Variants in ZFYVE28 observed in about 807,000 individuals in gnomAD.
ZFYVE28 encodes the protein zinc finger FYVE-type containing 28.
A neutral mutation model predicts 82.1 loss-of-function variants in ZFYVE28; 40 were observed. That is an observed-to-expected ratio of 0.49 (90% CI 0.38 to 0.63). The LOEUF is 0.63. Ranked by LOEUF, ZFYVE28 falls within the 30% of genes least tolerant of loss-of-function variation. The pLI is 0.00. For synonymous variants in ZFYVE28, 612 were observed against 546.1 expected (o/e 1.12, Z -1.68); for missense variants, 1,321 against 1,242.1 (o/e 1.06, Z -0.96).
At position 2,339,795 on chromosome 4, in the gene ZFYVE28, C is replaced by T. The variant is rs918254255; in HGVS notation, c.319-140G>A. On this transcript the variant is annotated intron_variant, in intron 3 of 12. Coordinates refer to ENST00000290974, the MANE Select transcript of ZFYVE28 (RefSeq NM_020972.3). The surrounding 1 kb of genome is among the most constrained non-coding windows in gnomAD (Gnocchi z 5.0). Reference sequence around the variant, plus strand: ...CAGGCCAGCTCGTGTTCCCGGTCCCCGCAGGAGGTTTTTCTTACATTCAGA... The same window carrying T: ...CAGGCCAGCTCGTGTTCCCGGTCCCTGCAGGAGGTTTTTCTTACATTCAGA... 2.0e-5 allele frequency: 15 copies of T among 738,408 alleles called. No individual in the cohort carries two copies. The highest frequency in any genetic ancestry group is 2.9e-5 in the Admixed American group (1 of 34,428). The allele number at this position is 738,408 out of a possible 1,614,324, so 45.7% of individuals were successfully genotyped here. A position where few individuals can be genotyped will look rare whatever the true frequency, so the allele number is the denominator to read the frequency against.
chr4:2,408,525 A>C lies in ZFYVE28; in HGVS notation c.39+9760T>G, dbSNP rs1259277914. Reference sequence around the variant, plus strand: ...CAGCTGCACCAGCCGGGGTGGACCAAAGGCCGCAGATGGTTCAGCTGGCTG... The same window carrying C: ...CAGCTGCACCAGCCGGGGTGGACCACAGGCCGCAGATGGTTCAGCTGGCTG... On this transcript the variant is annotated intron_variant, in intron 1 of 12. Transcript: ENST00000290974. This position sits in a 1 kb window ranked among gnomAD's most constrained non-coding sequence, Gnocchi z 4.3. Among the ~76,000 whole-genome samples the C allele has an allele frequency of 6.6e-6, 1 of 152,200 alleles. No homozygotes were observed. Among genetic ancestry groups the C allele is most frequent in the Non-Finnish European group, 1.5e-5 (1 of 68,018 alleles).
Position 2,372,981 on chromosome 4 carries a change from C to T in ZFYVE28, c.40-18908G>A, listed in dbSNP as rs1314999688. 2.0e-5 allele frequency among the ~76,000 whole-genome samples: 3 copies of T among 152,138 alleles called. No homozygotes were observed. The highest frequency in any genetic ancestry group is 1.3e-4 in the Admixed American group (2 of 15,280). On this transcript the variant is annotated intron_variant, in intron 1 of 12. Coordinates refer to ENST00000290974, the MANE Select transcript of ZFYVE28 (RefSeq NM_020972.3). The surrounding 1 kb of genome is among the most constrained non-coding windows in gnomAD (Gnocchi z 5.2). ...AGACCACCACGTCTCTGGGCAGACA[C>T]TCGGGGTACCCTTACCCTATGCCTG...
Position 2,304,579 on chromosome 4 carries a change from C to A in ZFYVE28, c.1761G>T (p.Pro587=), listed in dbSNP as rs758268238. The change falls in exon 8 of 13, where the codon CCG becomes CCT. Residue 587 remains proline, a synonymous_variant. Coordinates refer to ENST00000290974, the MANE Select transcript of ZFYVE28 (RefSeq NM_020972.3). ...VVERLREKCS[P]GGVIGASYAA... is the part of the protein sequence containing the mutation. ...CGTACGAGGCACCAATGACGCCTCC[C>A]GGGCTGCACTTCTCCCGCAGACGCT... The A allele has an allele frequency of 6.2e-7, 1 of 1,612,448 alleles. No individual in the cohort carries two copies. Among genetic ancestry groups the A allele is most frequent in the Admixed American group, 1.7e-5 (1 of 59,942 alleles).
At chr4:2,392,372 C>T (rs899032747) in intron 1 of ZFYVE28, among the ~76,000 whole-genome samples, 14 of 152,154 alleles carry the variant, frequency 9.2e-5, no homozygotes, top group African/African-American at 1.2e-4. Context: ...TAATCCAATG[C>T]GTAAGTACAT....
Position 2,308,755 on chromosome 4 carries a change from AAG to A in ZFYVE28, c.804-3221_804-3220del, listed in dbSNP as rs59569592. ...GAAAAGAAAGGAAGGAAGGAAAGAA[AAG>A]AGAGAAAGAGGGAGGGAGGAAGGAA... On this transcript the variant is annotated intron_variant, in intron 7 of 12. Transcript: ENST00000290974. Among the ~76,000 whole-genome samples the A allele has an allele frequency of 2.7e-3, 407 of 150,112 alleles. 19 individuals carry two copies. The East Asian group carries it at 0.063, about 23-fold the overall frequency.
In ZFYVE28 at chr4:2,341,357, G is replaced by T; in HGVS notation, c.318+121C>A. ...CCACACCACGTAACCCAGAGTGGAC[G>T]GAGCTCTTGGAGGAGACACCAGGTC... On this transcript the variant is annotated intron_variant, in intron 3 of 12. Transcript: ENST00000290974. This position sits in a 1 kb window ranked among gnomAD's most constrained non-coding sequence, Gnocchi z 4.5. 7.3e-7 allele frequency: 1 copy of T among 1,361,590 alleles called. No individual in the cohort carries two copies. The highest frequency in any genetic ancestry group is 1.0e-6 in the Non-Finnish European group (1 of 989,418). 84.3% of individuals were successfully genotyped at this position (1,361,590 alleles called of 1,614,324 possible). A position where few individuals can be genotyped will look rare whatever the true frequency, so the allele number is the denominator to read the frequency against.
At chr4:2,303,379 C>G (rs1715915188) in intron 8 of ZFYVE28, among the ~76,000 whole-genome samples, 1 of 152,174 alleles carries the variant, frequency 6.6e-6, no homozygotes, top group Non-Finnish European at 1.5e-5. Context: ...CATCTGTGCC[C>G]CCCACCTTCA....
chr4:2,276,062 G>C (rs1736405679), intron 8 of ZFYVE28, among the ~76,000 whole-genome samples: 1 of 152,260 alleles, frequency 6.6e-6, no homozygotes, highest in African/African-American at 2.4e-5. Flanking sequence ...ATCTAATTTA[G>C]GGACACAGCC....
At position 2,418,412 on chromosome 4, in the gene ZFYVE28, A is replaced by AG; in HGVS notation, c.-90dup. ...CGGCTGAGGCGCGGGGCGGACGCGG[A>AG]GGCACGGCCGGAGCCCCCGCGCTGT... On this transcript the variant is annotated 5_prime_UTR_variant, in exon 1 of 13. Coordinates refer to ENST00000290974, the MANE Select transcript of ZFYVE28 (RefSeq NM_020972.3). This position sits in a 1 kb window ranked among gnomAD's most constrained non-coding sequence, Gnocchi z 4.6. 2 of 1,056,908 alleles carry AG rather than the reference A, an allele frequency of 1.9e-6. No homozygotes were observed. The highest frequency in any genetic ancestry group is 2.3e-6 in the Non-Finnish European group (2 of 859,426). The allele number at this position is 1,056,908 out of a possible 1,614,324, so 65.5% of individuals were successfully genotyped here.
chr4:2,275,407 C>T (rs765508437), intron 8 of ZFYVE28, among the ~76,000 whole-genome samples: 6 of 152,230 alleles, frequency 3.9e-5, no homozygotes, highest in Admixed American at 1.3e-4. Flanking sequence ...TCCCCCAACT[C>T]GTTCTTCTAA....
At chr4:2,376,371 TAAAAAAA>T (rs55652132) in intron 1 of ZFYVE28, among the ~76,000 whole-genome samples, 24 of 75,730 alleles carry the variant, frequency 3.2e-4, no homozygotes, top group East Asian at 9.1e-4. Flanking sequence ...ACCCTATCTC[TAAAAAAA>T]AAAAAAAAAA....
At chr4:2,305,973 G>A (rs1005252195) in intron 7 of ZFYVE28, among the ~76,000 whole-genome samples, 2 of 152,256 alleles carry the variant, frequency 1.3e-5, no homozygotes, top group Non-Finnish European at 2.9e-5. Context: ...ACACGAGGAA[G>A]AAGGCAGGCA....
At chr4:2,380,684 T>C (rs1413558076) in intron 1 of ZFYVE28, among the ~76,000 whole-genome samples, 1 of 152,124 alleles carries the variant, frequency 6.6e-6, no homozygotes, top group African/African-American at 2.4e-5. Flanking sequence ...ATCATGGGGG[T>C]GATTTCCCCC....
At chr4:2,367,119 C>A (rs1334271719) in intron 1 of ZFYVE28, among the ~76,000 whole-genome samples, 1 of 152,192 alleles carries the variant, frequency 6.6e-6, no homozygotes, top group Non-Finnish European at 1.5e-5. Context: ...GCCTCTCTGT[C>A]GCTGCCGAGG....
At chr4:2,297,507 C>T (rs757533330) in intron 8 of ZFYVE28, among the ~76,000 whole-genome samples, 2 of 152,198 alleles carry the variant, frequency 1.3e-5, no homozygotes, top group African/African-American at 2.4e-5. Flanking sequence ...GGTCATGAAG[C>T]GCCACTGCAA....
chr4:2,353,322 G>T (rs954080427), intron 2 of ZFYVE28, among the ~76,000 whole-genome samples: 2 of 152,174 alleles, frequency 1.3e-5, no homozygotes, highest in African/African-American at 4.8e-5. Flanking sequence ...CATGTGTCAG[G>T]CCCCACCTCC....
chr4:2,305,628 C>T (rs1716451687), intron 7 of ZFYVE28, 92 bp from the exon 8 acceptor site: 1 of 1,465,182 alleles, frequency 6.8e-7, no homozygotes, highest in Non-Finnish European at 9.3e-7. Flanking sequence ...GGAGTCTGCA[C>T]CAGCAGAACA....
At chr4:2,283,083 G>C (rs1179364887) in intron 8 of ZFYVE28, among the ~76,000 whole-genome samples, 1 of 141,278 alleles carries the variant, frequency 7.1e-6, no homozygotes, top group Non-Finnish European at 1.5e-5. Flanking sequence ...TGGTGGGCTG[G>C]CTGCTTCTTG....
At chr4:2,327,165 G>T (rs528840617) in intron 6 of ZFYVE28, among the ~76,000 whole-genome samples, 1 of 150,264 alleles carries the variant, frequency 6.7e-6, no homozygotes, top group Non-Finnish European at 1.5e-5. Flanking sequence ...CAGGAGAATC[G>T]CTTGAACCCA....
Sources: gnomAD v4.1 joint callset for allele counts (sites outside exome capture counted in the v4.1 genomes callset) on GRCh38, gnomAD v4.1.1 for gene constraint, Gnocchi (gnomAD v3.1) non-coding constraint, MANE v1.5 for transcripts, NCBI Gene and HGNC (gene_info 2026-07-23, HGNC 2026-07-21) for gene names.